Variants in OTUD7A observed in about 807,000 individuals in gnomAD.
OTUD7A encodes the protein OTU deubiquitinase 7A, also known as OTU domain-containing protein 7A.
OTUD7A carries 12 observed loss-of-function variants against 65.7 expected under a neutral mutation model. The observed-to-expected ratio is 0.18, with a 90% confidence interval of 0.12 to 0.30. The LOEUF is 0.30. Among genes scored for constraint, OTUD7A ranks in the 10% least tolerant of loss-of-function variants. The probability of loss-of-function intolerance (pLI) is 1.00; values close to 1 mark genes in which losing one functional copy is unlikely to be tolerated. For synonymous variants in OTUD7A, 641 were observed against 586.3 expected, an observed-to-expected ratio of 1.09 and a Z score of -1.35; for missense variants, 1,148 against 1,304.8, an observed-to-expected ratio of 0.88 and a Z score of 1.85.
intron 1 of OTUD7A, among the ~76,000 whole-genome samples, chr15:31,702,957 A>G (rs1331437234): frequency 6.6e-6 from 1 of 151,902 alleles, no homozygotes; most frequent in African/African-American, 2.4e-5. Flanking sequence ...ACAGAGGTGA[A>G]AAAGCAACTT....
chr15:31,674,055 A>C (rs1326821475), intron 1 of OTUD7A, among the ~76,000 whole-genome samples: 1 of 152,210 alleles, frequency 6.6e-6, no homozygotes, highest in African/African-American at 2.4e-5. Context: ...TTCCACCTAG[A>C]TTGGAATCAG....
intron 4 of OTUD7A, among the ~76,000 whole-genome samples, chr15:31,563,283 C>A (rs1169831441): frequency 6.6e-6 from 1 of 152,184 alleles, no homozygotes; most frequent in Non-Finnish European, 1.5e-5. Flanking sequence ...CTGAAAGATA[C>A]CAGCAGCCTT....
chr15:31,757,385 G>A (rs1202043431), intron 1 of OTUD7A, among the ~76,000 whole-genome samples: 1 of 150,254 alleles, frequency 6.7e-6, no homozygotes, highest in Non-Finnish European at 1.5e-5. Flanking sequence ...ATATATAAAG[G>A]GTTCTTGGCA....
At chr15:31,857,244 G>T (rs992708877) in intron 1 of OTUD7A, among the ~76,000 whole-genome samples, 2 of 152,178 alleles carry the variant, frequency 1.3e-5, no homozygotes, top group Non-Finnish European at 2.9e-5. Context: ...AATAGCCAAC[G>T]AGAGCCCACG....
At chr15:31,491,887 C>A (rs1363259562) in intron 10 of OTUD7A, among the ~76,000 whole-genome samples, 2 of 151,550 alleles carry the variant, frequency 1.3e-5, no homozygotes, top group Non-Finnish European at 2.9e-5. Flanking sequence ...AAAAAAAAAA[C>A]TGTTAATCTA....
chr15:31,713,271 A>G (rs190859956), intron 1 of OTUD7A, among the ~76,000 whole-genome samples: 1 of 152,336 alleles, frequency 6.6e-6, no homozygotes, highest in Admixed American at 6.5e-5. Context: ...GAGCATCTGC[A>G]TGAACTTGGG....
At chr15:31,555,851 T>TTTTTGTTTTTTTC (rs1555396072) in intron 5 of OTUD7A, 1 of 103,436 alleles carries the variant, frequency 9.7e-6, no homozygotes, top group East Asian at 2.2e-4. Context: ...GTTCTTTTTC[T>TTTTTGTTTTTTTC]TTTTTTTTTT....
At chr15:31,592,101 C>T (rs1308815040) in intron 3 of OTUD7A, among the ~76,000 whole-genome samples, 1 of 152,186 alleles carries the variant, frequency 6.6e-6, no homozygotes, top group Admixed American at 6.5e-5. Flanking sequence ...GGGAGTTACC[C>T]TGGATGAGTC....
intron 5 of OTUD7A, among the ~76,000 whole-genome samples, chr15:31,547,463 T>A (rs74900352): frequency 0.032 from 4,831 of 152,334 alleles, 262 homozygotes; most frequent in African/African-American, 0.11. Flanking sequence ...TTCTATTTTC[T>A]AACCCTTCCT....
chr15:31,485,807 C>CG (rs1043154028), intron 12 of OTUD7A, among the ~76,000 whole-genome samples: 2 of 152,134 alleles, frequency 1.3e-5, no homozygotes, highest in African/African-American at 4.8e-5. Context: ...ATTTTTGTCC[C>CG]CCCCTCAAAC....
At chr15:31,671,423 T>G (rs914614407) in intron 1 of OTUD7A, among the ~76,000 whole-genome samples, 2 of 152,350 alleles carry the variant, frequency 1.3e-5, no homozygotes, top group Admixed American at 6.5e-5. Flanking sequence ...TTGGTCTATG[T>G]GTCTGTTTTT....
intron 5 of OTUD7A, chr15:31,557,987 G>A (rs973327287): frequency 6.6e-6 from 1 of 152,244 alleles, no homozygotes; most frequent in African/African-American, 2.4e-5. Flanking sequence ...TGGACATGAA[G>A]AGCTGGCTGA....
At chr15:31,690,878 T>C (rs192336149) in intron 1 of OTUD7A, among the ~76,000 whole-genome samples, 89 of 152,336 alleles carry the variant, frequency 5.8e-4, no homozygotes, top group African/African-American at 2.1e-3. Context: ...TTGACAAGTA[T>C]TTCTTGGGTA....
rs535874830 is a variant in OTUD7A, at chr15:31,579,457, C to T, written c.152-9260G>A. 5.3e-5 allele frequency among the ~76,000 whole-genome samples: 8 copies of T among 152,202 alleles called. No individual in the cohort carries two copies. The East Asian group carries it at 1.5e-3, about 29-fold the overall frequency. On this transcript the variant is annotated intron_variant, in intron 3 of 12. Transcript: ENST00000307050. ...ATGCCAGAATAGCTGATCTGATAAC[C>T]GAGATGGCCACTTAGTGATGAACGG...
In OTUD7A at chr15:31,484,473, G is replaced by A. The variant is rs774461086; in HGVS notation, c.1623C>T (p.Gly541=). ...TCTTGCCGTGCACCAGGCCGCCGAG[G>A]CCGCCCATGTTTTTCTTCAGCTTGA... is the stretch of plus-strand genomic sequence containing the variant. ...LGIKLKKNMG[G]LGGLVHGKMG... The change falls in exon 13 of 13, where the codon GGC becomes GGT. Residue 541 remains glycine, a synonymous_variant. Coordinates refer to ENST00000307050, the MANE Select transcript of OTUD7A (RefSeq NM_001382637.1). The surrounding 1 kb of genome is among the most constrained non-coding windows in gnomAD (Gnocchi z 4.5). 6.2e-7 allele frequency: 1 copy of A among 1,606,604 alleles called. No homozygotes were observed. The highest frequency in any genetic ancestry group is 8.5e-7 in the Non-Finnish European group (1 of 1,179,938).
intron 1 of OTUD7A, among the ~76,000 whole-genome samples, chr15:31,696,869 T>A (rs899097926): frequency 1.3e-5 from 2 of 149,862 alleles, no homozygotes; most frequent in African/African-American, 4.9e-5. Context: ...AAGCATCTTG[T>A]TGCTCAGCAA....
At chr15:31,593,703 G>T (rs998128001) in intron 3 of OTUD7A, among the ~76,000 whole-genome samples, 1 of 152,056 alleles carries the variant, frequency 6.6e-6, no homozygotes, top group Non-Finnish European at 1.5e-5. Flanking sequence ...TAGTCCAGCG[G>T]GGGGGACTTT....
intron 1 of OTUD7A, among the ~76,000 whole-genome samples, chr15:31,771,019 C>T (rs1027817843): frequency 3.9e-5 from 6 of 152,156 alleles, no homozygotes; most frequent in Admixed American, 6.5e-5. Flanking sequence ...CTGCGCTTGC[C>T]CCTCATGGTC....
chr15:31,549,682 CGGAAGAG>C lies in OTUD7A; in HGVS notation c.550+9280_550+9286del, dbSNP rs1290998405. Reference sequence around the variant, plus strand: ...CAGATGGTAGAATATAAAGGGAATACGGAAGAGGGAAGAGGGAAAGGGGGAGAGAGGA... The same window carrying C: ...CAGATGGTAGAATATAAAGGGAATACGGAAGAGGGAAAGGGGGAGAGAGGA... On this transcript the variant is annotated intron_variant, in intron 5 of 12. Transcript: ENST00000307050. Among the ~76,000 whole-genome samples the C allele has an allele frequency of 3.9e-5, 6 of 152,056 alleles. No individual in the cohort carries two copies. The South Asian group carries it at 1.0e-3, about 26-fold the overall frequency.
Sources: gnomAD v4.1 joint callset for allele counts (sites outside exome capture counted in the v4.1 genomes callset) on GRCh38, gnomAD v4.1.1 for gene constraint, Gnocchi (gnomAD v3.1) non-coding constraint, MANE v1.5 for transcripts, NCBI Gene and HGNC (gene_info 2026-07-23, HGNC 2026-07-21) for gene names.